UBE2E1: variants seen among roughly 807,000 people sequenced by gnomAD.
UBE2E1 encodes the protein ubiquitin conjugating enzyme E2 E1.
A neutral mutation model predicts 21.4 loss-of-function variants in UBE2E1; 6 were observed. The ratio of observed to expected loss-of-function variants is 0.28; its 90% CI spans 0.15 to 0.55. UBE2E1 has a LOEUF of 0.55. Among genes scored for constraint, UBE2E1 ranks in the 20% least tolerant of loss-of-function variants. The pLI is 0.93. For missense variants in UBE2E1, 142 were observed against 236.5 expected (o/e 0.60, Z 2.62); for synonymous variants, 87 against 82.7 (o/e 1.05, Z -0.28).
chr3:23,878,617 G>A (rs554433308), intron 3 of UBE2E1, among the ~76,000 whole-genome samples: 2 of 152,190 alleles, frequency 1.3e-5, no homozygotes, highest in Admixed American at 6.5e-5. Flanking sequence ...TGTCAGCTCA[G>A]ATCAGCAATG....
In UBE2E1 at chr3:23,808,312, T is replaced by C. The variant is rs1312637026; in HGVS notation, c.152+891T>C. 1.3e-5 allele frequency among the ~76,000 whole-genome samples: 2 copies of C among 152,186 alleles called. No individual in the cohort carries two copies. The highest frequency in any genetic ancestry group is 2.9e-5 in the Non-Finnish European group (2 of 68,018). On this transcript the variant is annotated intron_variant, in intron 2 of 5. Coordinates refer to ENST00000306627, the MANE Select transcript of UBE2E1 (RefSeq NM_003341.5). The surrounding 1 kb of genome is among the most constrained non-coding windows in gnomAD (Gnocchi z 4.9). Reference sequence around the variant, plus strand: ...CTTCAGTAATATCCTCTGATCGCCATGACCCTCAAAATCATCTTTAGTGGA... The same window carrying C: ...CTTCAGTAATATCCTCTGATCGCCACGACCCTCAAAATCATCTTTAGTGGA...
chr3:23,851,795 A>C (rs1700330746), intron 3 of UBE2E1, among the ~76,000 whole-genome samples: 1 of 152,126 alleles, frequency 6.6e-6, no homozygotes, highest in African/African-American at 2.4e-5. Flanking sequence ...TGTCTCTAAA[A>C]AATAAAAAAA....
chr3:23,807,506 C>CGT, intron 2 of UBE2E1, 85 bp downstream of exon 2: 1 of 1,508,792 alleles, frequency 6.6e-7, no homozygotes, highest in Non-Finnish European at 8.9e-7. Flanking sequence ...ATGAGGATAG[C>CGT]TTAAACGCTC....
chr3:23,881,304 A>T (rs1049180374), intron 3 of UBE2E1, among the ~76,000 whole-genome samples: 1 of 152,002 alleles, frequency 6.6e-6, no homozygotes, highest in African/African-American at 2.4e-5. Flanking sequence ...GATTAGAAGA[A>T]AAAACTATGT....
At chr3:23,877,411 C>T (rs1201033413) in intron 3 of UBE2E1, among the ~76,000 whole-genome samples, 1 of 152,140 alleles carries the variant, frequency 6.6e-6, no homozygotes, top group Non-Finnish European at 1.5e-5. Context: ...TTCTCTAAGG[C>T]AGGGTTTCTC....
rs11371794 is a variant in UBE2E1, at chr3:23,812,994, TAA to T, written c.203+1495_203+1496del. Among the ~76,000 whole-genome samples the T allele has an allele frequency of 2.3e-3, 334 of 148,164 alleles. 1 individual carries two copies. Among genetic ancestry groups the T allele is most frequent in the South Asian group, 7.8e-3 (37 of 4,736 alleles). On this transcript the variant is annotated intron_variant, in intron 3 of 5. Transcript: ENST00000306627. Reference sequence around the variant, plus strand: ...GAAGATTTTCATGGGATTAAGCATTTAAAAAAAAAAAACAGTGTAAGTACACT... The same window carrying T: ...GAAGATTTTCATGGGATTAAGCATTTAAAAAAAAAACAGTGTAAGTACACT...
At chr3:23,819,539 G>A (rs1025671030) in intron 3 of UBE2E1, among the ~76,000 whole-genome samples, 3 of 152,156 alleles carry the variant, frequency 2.0e-5, no homozygotes, top group Non-Finnish European at 4.4e-5. Flanking sequence ...TTCTTTCCCA[G>A]CAGACTTTAA....
intron 3 of UBE2E1, among the ~76,000 whole-genome samples, chr3:23,854,107 A>C (rs1700386153): frequency 1.3e-5 from 2 of 152,026 alleles, no homozygotes; most frequent in South Asian, 4.2e-4. Context: ...AAAATAGAAA[A>C]ATTAACCGAT....
chr3:23,871,144 C>G (rs1240496392), intron 3 of UBE2E1, among the ~76,000 whole-genome samples: 2 of 152,194 alleles, frequency 1.3e-5, no homozygotes. Flanking sequence ...TCTTTCTATT[C>G]CACAAAACCG....
intron 3 of UBE2E1, among the ~76,000 whole-genome samples, chr3:23,832,903 G>A (rs942983741): frequency 1.3e-4 from 20 of 151,990 alleles, no homozygotes; most frequent in African/African-American, 4.8e-4. Context: ...AGGTGTGGTG[G>A]TGTGCCTGTC....
At chr3:23,846,627 C>T (rs549251466) in intron 3 of UBE2E1, among the ~76,000 whole-genome samples, 25 of 135,488 alleles carry the variant, frequency 1.8e-4, no homozygotes, top group Non-Finnish European at 3.4e-4. Context: ...ACCCAGGGGG[C>T]GGAGGCTGCA....
At chr3:23,815,989 C>T (rs1443434185) in intron 3 of UBE2E1, among the ~76,000 whole-genome samples, 1 of 152,178 alleles carries the variant, frequency 6.6e-6, no homozygotes, top group African/African-American at 2.4e-5. Flanking sequence ...TAGGGTCAGG[C>T]TGTTGGGAAT....
rs890261560 is a variant in UBE2E1 at position 23,890,522 on chromosome 3, G to A, written c.498G>A (p.Val166=). The A allele has an allele frequency of 6.2e-7, 1 of 1,611,880 alleles. No homozygotes were observed. The highest frequency in any genetic ancestry group is 1.7e-5 in the Admixed American group (1 of 59,644). ...LTDCNPADPL[V]GSIATQYMTN... ...CTTTTCTTCCAGCCGACCCCTTGGT[G>A]GGAAGTATTGCCACTCAGTATATGA... Residue 166 remains valine, a synonymous_variant, in exon 6 of 6, where the codon GTG becomes GTA. Transcript: ENST00000306627.
In UBE2E1 at chr3:23,810,590, C is replaced by G; in HGVS notation, c.153-870C>G. ...CGGGGCGGAGGCAGGGTCCGGTGCA[C>G]CTGTGCGGCCGCGGGCCGGCCACTT... On this transcript the variant is annotated intron_variant, in intron 2 of 5. Coordinates refer to ENST00000306627, the MANE Select transcript of UBE2E1 (RefSeq NM_003341.5). The surrounding 1 kb of genome is among the most constrained non-coding windows in gnomAD (Gnocchi z 5.8). 1 of 1,464,406 alleles carries G rather than the reference C, an allele frequency of 6.8e-7. No homozygotes were observed. The highest frequency in any genetic ancestry group is 9.1e-7 in the Non-Finnish European group (1 of 1,099,952). The allele number at this position is 1,464,406 out of a possible 1,614,324, so 90.7% of individuals were successfully genotyped here. A position where few individuals can be genotyped will look rare whatever the true frequency, so the allele number is the denominator to read the frequency against.
rs571835829 is a variant in UBE2E1 at position 23,806,477 on chromosome 3, G to A, written c.-34+389G>A. ...GGATTAACCCCTCCGGGGCGGAAGG[G>A]CTCATTGTTATGTCTTCGCTGCGGA... On this transcript the variant is annotated intron_variant, in intron 1 of 5. Coordinates refer to ENST00000306627, the MANE Select transcript of UBE2E1 (RefSeq NM_003341.5). The surrounding 1 kb of genome is among the most constrained non-coding windows in gnomAD (Gnocchi z 6.5). 2.6e-5 allele frequency among the ~76,000 whole-genome samples: 4 copies of A among 151,890 alleles called. No individual in the cohort carries two copies. The South Asian group carries it at 6.2e-4, about 24-fold the overall frequency.
intron 2 of UBE2E1, 54 bp downstream of exon 2, chr3:23,807,475 C>G (rs1397015433): frequency 3.2e-6 from 5 of 1,586,792 alleles, no homozygotes; most frequent in Non-Finnish European, 4.3e-6. Context: ...CTGCCTCTTG[C>G]TGCATTTGGT....
At chr3:23,825,654 C>T (rs2125290025) in intron 3 of UBE2E1, among the ~76,000 whole-genome samples, 1 of 152,120 alleles carries the variant, frequency 6.6e-6, no homozygotes, top group East Asian at 1.9e-4. Context: ...ATGACAAGGA[C>T]CCAACCATGA....
At chr3:23,867,702 C>T (rs1331005756) in intron 3 of UBE2E1, among the ~76,000 whole-genome samples, 1 of 152,044 alleles carries the variant, frequency 6.6e-6, no homozygotes, top group Admixed American at 6.6e-5. Flanking sequence ...TTTGTAGTCT[C>T]TTAGAGATTC....
Position 23,811,694 on chromosome 3 carries a change from G to C in UBE2E1, c.203+184G>C, listed in dbSNP as rs2884873. On this transcript the variant is annotated intron_variant, in intron 3 of 5. Transcript: ENST00000306627. ...TTTTGATGAGCCTCTGACAAGCTCA[G>C]TACTGTTGAGAAGAAGTAATGGATT... 6.1e-3 allele frequency among the ~76,000 whole-genome samples: 931 copies of C among 152,306 alleles called. 5 individuals carry two copies. Among genetic ancestry groups the C allele is most frequent in the African/African-American group, 0.021 (857 of 41,560 alleles).
Sources: gnomAD v4.1 joint callset for allele counts (sites outside exome capture counted in the v4.1 genomes callset) on GRCh38, gnomAD v4.1.1 for gene constraint, Gnocchi (gnomAD v3.1) non-coding constraint, MANE v1.5 for transcripts, NCBI Gene and HGNC (gene_info 2026-07-23, HGNC 2026-07-21) for gene names.